Variants in HMGCS1 observed in about 807,000 individuals in gnomAD.
The protein encoded by HMGCS1 is 3-hydroxy-3-methylglutaryl-CoA synthase 1.
In HMGCS1, 9 loss-of-function variants were observed where a neutral mutation model predicts 52.3. That is an observed-to-expected ratio of 0.17 (90% CI 0.10 to 0.30). The LOEUF (loss-of-function observed/expected upper bound fraction) is 0.30, where lower values mean the gene tolerates loss of function less well. HMGCS1 is among the 10% of genes least tolerant of loss of function. HMGCS1 has a pLI of 1.00. For missense variants in HMGCS1, 320 were observed against 620.9 expected, an observed-to-expected ratio of 0.52 and a Z score of 5.15; for synonymous variants, 176 against 214.4, an observed-to-expected ratio of 0.82 and a Z score of 1.57.
intron 5 of HMGCS1, 96 bp from the exon 6 acceptor site, chr5:43,296,013 AAAC>A: frequency 1.2e-6 from 1 of 829,394 alleles, no homozygotes; most frequent in Non-Finnish European, 1.9e-6. Flanking sequence ...GTATATGTTT[AAAC>A]AGCAACCACA....
chr5:43,312,869 A>G (rs1054306101), intron 1 of HMGCS1, among the ~76,000 whole-genome samples: 3 of 152,128 alleles, frequency 2.0e-5, no homozygotes, highest in African/African-American at 4.8e-5. Flanking sequence ...CATCAACTCT[A>G]TATGTGGCAG....
chr5:43,299,622 C>G (rs763247826), intron 2 of HMGCS1, among the ~76,000 whole-genome samples: 14 of 151,536 alleles, frequency 9.2e-5, no homozygotes, highest in Non-Finnish European at 1.8e-4. Flanking sequence ...TGCACTCCAG[C>G]CTGGGTGACA....
intron 1 of HMGCS1, among the ~76,000 whole-genome samples, chr5:43,312,796 T>G (rs933904533): frequency 2.6e-5 from 4 of 152,216 alleles, no homozygotes; most frequent in African/African-American, 7.2e-5. Context: ...AAATCACGGT[T>G]GTGAACGCTT....
chr5:43,297,706 G>A (rs1212791108), intron 4 of HMGCS1, among the ~76,000 whole-genome samples: 1 of 152,054 alleles, frequency 6.6e-6, no homozygotes, highest in Non-Finnish European at 1.5e-5. Flanking sequence ...AGGCATGGTG[G>A]TGTGTGCCTG....
At chr5:43,303,745 C>T (rs1009065281) in intron 2 of HMGCS1, among the ~76,000 whole-genome samples, 1 of 152,144 alleles carries the variant, frequency 6.6e-6, no homozygotes, top group Non-Finnish European at 1.5e-5. Flanking sequence ...AAATTACTGG[C>T]CATATTTTTG....
chr5:43,302,646 C>T (rs1455101489), intron 2 of HMGCS1, among the ~76,000 whole-genome samples: 1 of 152,174 alleles, frequency 6.6e-6, no homozygotes, highest in Non-Finnish European at 1.5e-5. Flanking sequence ...ATATGACAGT[C>T]AACAGCCTGA....
intron 2 of HMGCS1, among the ~76,000 whole-genome samples, chr5:43,300,295 T>C (rs1754248440): frequency 1.3e-5 from 2 of 152,168 alleles, no homozygotes; most frequent in Admixed American, 6.5e-5. Flanking sequence ...AATTTCCTTT[T>C]TAGGTATGAC....
In HMGCS1 at chr5:43,291,179, G is replaced by A. The variant is rs1205302328; in HGVS notation, c.1515C>T (p.Ala505=). 3.1e-6 allele frequency: 5 copies of A among 1,607,360 alleles called. No homozygotes were observed. The Admixed American group carries it at 8.4e-5, about 27-fold the overall frequency. The change falls in exon 11 of 11, where the codon GCC becomes GCT. Residue 505 remains alanine (A), a synonymous_variant. Transcript: ENST00000325110. ...SPAKKVPRLP[A]TAAEPEAAVI... Reference sequence around the variant, plus strand: ...CAGCTGCTTCAGGTTCTGCTGCTGTGGCAGGGAGTCTTGGTACTTTCTTGG... The same window carrying A: ...CAGCTGCTTCAGGTTCTGCTGCTGTAGCAGGGAGTCTTGGTACTTTCTTGG...
In HMGCS1 at chr5:43,289,319, A is replaced by G. The variant is rs942685252; in HGVS notation, c.*1812T>C. 5 of 152,678 alleles carry G rather than the reference A, an allele frequency of 3.3e-5. No homozygotes were observed. Among genetic ancestry groups the G allele is most frequent in the African/African-American group, 1.2e-4 (5 of 41,478 alleles). The allele number at this position is 152,678 out of a possible 1,614,324, so 9.5% of individuals were successfully genotyped here. ...ACGAACTGAAATGAAATTAATGCCCATATTTAAAAATAGAATATTAGCTGA... is the reference window on the plus strand; with the variant it reads ...ACGAACTGAAATGAAATTAATGCCCGTATTTAAAAATAGAATATTAGCTGA... On this transcript the variant is annotated 3_prime_UTR_variant, in exon 11 of 11. Coordinates refer to ENST00000325110, the MANE Select transcript of HMGCS1 (RefSeq NM_001098272.3).
chr5:43,294,115 T>A lies in HMGCS1; in HGVS notation c.1124A>T (p.Tyr375Phe), dbSNP rs1451335347. 1 of 1,613,506 alleles carries A rather than the reference T, an allele frequency of 6.2e-7. No homozygotes were observed. The highest frequency in any genetic ancestry group is 1.3e-5 in the African/African-American group (1 of 74,992). The change falls in exon 8 of 11, where the codon TAT (tyrosine) becomes TTT (phenylalanine). Residue 375 changes from tyrosine to phenylalanine, a missense_variant. Transcript: ENST00000325110. ...LAGKRIGVFS[Y>F]GSGLAATLYS... Reference sequence around the variant, plus strand: ...CAGAGTGGCAGCCAAACCAGAACCATAAGAAAACACTCCAATTCTCTTCCC... The same window carrying A: ...CAGAGTGGCAGCCAAACCAGAACCAAAAGAAAACACTCCAATTCTCTTCCC...
intron 2 of HMGCS1, among the ~76,000 whole-genome samples, chr5:43,305,781 CAAAA>C (rs58264994): frequency 2.3e-5 from 2 of 86,778 alleles, no homozygotes; most frequent in Non-Finnish European, 2.3e-5. Context: ...GACTCCGTCT[CAAAA>C]AAAAAAAAAA....
chr5:43,292,849 C>T lies in HMGCS1; in HGVS notation c.1308G>A (p.Leu436=), dbSNP rs1753847228. Residue 436 remains leucine, a splice_region_variant and synonymous_variant, in exon 9 of 11, where the codon TTG becomes TTA. Coordinates refer to ENST00000325110, the MANE Select transcript of HMGCS1 (RefSeq NM_001098272.3). ...TTAAAGAACATTTAATATTTTTACC[C>T]AAATGATGGGTGTCCTCTCTGAGCT... The part of the protein sequence containing the change: ...NMKLREDTHH[L]VNYIPQGSID... 6.2e-7 allele frequency: 1 copy of T among 1,611,574 alleles called. No individual in the cohort carries two copies. Among genetic ancestry groups the T allele is most frequent in the Non-Finnish European group, 8.5e-7 (1 of 1,179,516 alleles).
chr5:43,299,036 T>C, intron 2 of HMGCS1, 61 bp from the exon 3 acceptor site: 4 of 1,241,818 alleles, frequency 3.2e-6, no homozygotes, highest in South Asian at 2.9e-5. Flanking sequence ...GTTTTCAACT[T>C]TGAAATTGAG....
At chr5:43,294,913 A>G in intron 6 of HMGCS1, 52 bp from the exon 7 acceptor site, 1 of 1,195,868 alleles carries the variant, frequency 8.4e-7, no homozygotes, top group Non-Finnish European at 1.2e-6. Flanking sequence ...TGTTTTTATT[A>G]CACTAAACAG....
At chr5:43,306,754 C>G (rs1384005920) in intron 2 of HMGCS1, among the ~76,000 whole-genome samples, 1 of 152,176 alleles carries the variant, frequency 6.6e-6, no homozygotes, top group Non-Finnish European at 1.5e-5. Context: ...CAAGTTTCTC[C>G]TCTATTATTT....
At chr5:43,301,014 A>AT (rs1754291073) in intron 2 of HMGCS1, among the ~76,000 whole-genome samples, 1 of 152,172 alleles carries the variant, frequency 6.6e-6, no homozygotes, top group Non-Finnish European at 1.5e-5. Context: ...TAAACAGGTA[A>AT]CAACATTGAG....
chr5:43,291,270 A>G (rs936145526), intron 10 of HMGCS1, 50 bp from the exon 11 acceptor site: 3 of 1,101,898 alleles, frequency 2.7e-6, no homozygotes, highest in Non-Finnish European at 4.2e-6. Context: ...TTTCCCCCAC[A>G]AGAATCATGG....
chr5:43,311,516 A>G (rs536842794), intron 1 of HMGCS1, among the ~76,000 whole-genome samples: 1 of 152,188 alleles, frequency 6.6e-6, no homozygotes, highest in Admixed American at 6.5e-5. Context: ...GGAGATTCTG[A>G]TATGTAGCAA....
At chr5:43,308,894 C>T (rs1050392998) in intron 1 of HMGCS1, among the ~76,000 whole-genome samples, 1 of 151,996 alleles carries the variant, frequency 6.6e-6, no homozygotes, top group African/African-American at 2.4e-5. Flanking sequence ...CCACCTACGC[C>T]CCCCTGCCCC....
Sources: gnomAD v4.1 joint callset for allele counts (sites outside exome capture counted in the v4.1 genomes callset) on GRCh38, gnomAD v4.1.1 for gene constraint, MANE v1.5 for transcripts, NCBI Gene and HGNC (gene_info 2026-07-23, HGNC 2026-07-21) for gene names.